MARCHF1: variants seen among roughly 807,000 people sequenced by gnomAD.
The protein encoded by MARCHF1 is E3 ubiquitin-protein ligase MARCHF1.
A neutral mutation model predicts 54.2 loss-of-function variants in MARCHF1; 40 were observed. The ratio of observed to expected loss-of-function variants is 0.74; its 90% CI spans 0.57 to 0.96. MARCHF1 has a LOEUF of 0.96. Among genes scored for constraint, MARCHF1 ranks in the 40% least tolerant of loss-of-function variants. The pLI is 0.00. For missense variants in MARCHF1, 586 were observed against 656.5 expected, an observed-to-expected ratio of 0.89 and a Z score of 1.17; for synonymous variants, 236 against 236.3, an observed-to-expected ratio of 1.00 and a Z score of 0.01.
intron 4 of MARCHF1, among the ~76,000 whole-genome samples, chr4:163,764,985 T>A (rs1746933103): frequency 6.6e-6 from 1 of 152,136 alleles, no homozygotes. Context: ...ATTTAGTACA[T>A]TTTAATGTTA....
At chr4:163,833,870 A>G (rs1749101746) in intron 4 of MARCHF1, among the ~76,000 whole-genome samples, 1 of 152,156 alleles carries the variant, frequency 6.6e-6, no homozygotes, top group South Asian at 2.1e-4. Flanking sequence ...AACATCAATC[A>G]AAGCTTTTCT....
At chr4:163,865,893 A>G (rs910101076) in intron 3 of MARCHF1, among the ~76,000 whole-genome samples, 5 of 151,742 alleles carry the variant, frequency 3.3e-5, no homozygotes, top group Non-Finnish European at 7.4e-5. Flanking sequence ...GATTAAAAAA[A>G]GTCATCTACA....
At chr4:164,007,597 G>A (rs1274819409) in intron 2 of MARCHF1, among the ~76,000 whole-genome samples, 2 of 151,610 alleles carry the variant, frequency 1.3e-5, no homozygotes, top group Non-Finnish European at 2.9e-5. Context: ...AAGTCAAAAT[G>A]TGGAGGATAT....
At position 163,607,917 on chromosome 4, in the gene MARCHF1, C is replaced by T. The variant is rs547203294; in HGVS notation, c.1010+4354G>A. 2.0e-5 allele frequency among the ~76,000 whole-genome samples: 3 copies of T among 152,210 alleles called. No individual in the cohort carries two copies. In the South Asian group the frequency reaches 6.2e-4, roughly 32 times the overall value. ...AAGCCCTCCAGTTGTCACTGATGCT[C>T]ACTAAAGTTTTAGAACTGCTGGTGT... On this transcript the variant is annotated intron_variant, in intron 7 of 9. Transcript: ENST00000514618.
chr4:163,861,692 C>T (rs1749938338), intron 3 of MARCHF1, among the ~76,000 whole-genome samples: 1 of 151,882 alleles, frequency 6.6e-6, no homozygotes, highest in African/African-American at 2.4e-5. Context: ...GAATAAAAAT[C>T]CTAGAAAAGT....
intron 4 of MARCHF1, among the ~76,000 whole-genome samples, chr4:163,706,517 ATACT>A (rs1744953657): frequency 6.6e-6 from 1 of 152,112 alleles, no homozygotes; most frequent in Non-Finnish European, 1.5e-5. Flanking sequence ...AAACCATAAA[ATACT>A]TAGGAATAAA....
intron 3 of MARCHF1, among the ~76,000 whole-genome samples, chr4:163,985,200 G>T (rs1752838348): frequency 2.3e-5 from 2 of 88,712 alleles, no homozygotes. Flanking sequence ...GAAGTGAAGT[G>T]GTTTGTAGTA....
intron 2 of MARCHF1, among the ~76,000 whole-genome samples, chr4:164,036,292 A>G (rs1302559029): frequency 1.3e-5 from 2 of 152,230 alleles, no homozygotes; most frequent in East Asian, 3.9e-4. Flanking sequence ...ACAATTTATC[A>G]GAAACCAATG....
chr4:164,281,618 A>G (rs1016194415), intron 1 of MARCHF1, among the ~76,000 whole-genome samples: 1 of 152,182 alleles, frequency 6.6e-6, no homozygotes, highest in Non-Finnish European at 1.5e-5. Flanking sequence ...TAGGGGAACT[A>G]AGAGTGGCTT....
At chr4:163,679,990 T>A (rs1312318903) in intron 5 of MARCHF1, among the ~76,000 whole-genome samples, 4 of 151,610 alleles carry the variant, frequency 2.6e-5, no homozygotes, top group African/African-American at 7.2e-5. Flanking sequence ...TTTTTTTTTT[T>A]TTTTTCTTTT....
intron 2 of MARCHF1, among the ~76,000 whole-genome samples, chr4:164,063,304 T>C (rs542844521): frequency 2.6e-5 from 4 of 152,342 alleles, no homozygotes; most frequent in Admixed American, 2.0e-4. Context: ...GGCATCTTCT[T>C]CCAATAGAAA....
intron 1 of MARCHF1, among the ~76,000 whole-genome samples, chr4:164,321,188 T>C (rs909146931): frequency 2.0e-5 from 3 of 152,208 alleles, no homozygotes; most frequent in African/African-American, 4.8e-5. Context: ...AGAAAACCTC[T>C]GTAGAAGACA....
intron 2 of MARCHF1, among the ~76,000 whole-genome samples, chr4:164,016,012 T>C (rs573294957): frequency 6.6e-6 from 1 of 152,086 alleles, no homozygotes; most frequent in African/African-American, 2.4e-5. Context: ...TGCACTCCCA[T>C]GTATTACAGG....
intron 8 of MARCHF1, among the ~76,000 whole-genome samples, chr4:163,561,528 A>G (rs1323124169): frequency 5.9e-5 from 9 of 152,322 alleles, no homozygotes; most frequent in Admixed American, 5.9e-4. Flanking sequence ...ACACAAATAT[A>G]TAGCCAAATT....
intron 3 of MARCHF1, among the ~76,000 whole-genome samples, chr4:163,932,104 C>T (rs1751689982): frequency 7.8e-6 from 1 of 127,424 alleles, no homozygotes. Flanking sequence ...TTAAAAAAAA[C>T]CTTATTGCTA....
rs184284376 is a variant in MARCHF1, at chr4:164,284,424, C to T, written c.-323+99446G>A. 5.0e-3 allele frequency among the ~76,000 whole-genome samples: 749 copies of T among 150,592 alleles called. 33 individuals are homozygous for T. The highest frequency in any genetic ancestry group is 0.017 in the African/African-American group (705 of 41,024). On this transcript the variant is annotated intron_variant, in intron 1 of 9. Coordinates refer to ENST00000514618, the MANE Select transcript of MARCHF1 (RefSeq NM_001394959.1). ...GAAAAATTGTACAGGAAATAGGACGCCCTATAGTGTTTTGGTGCACATATG... is the reference window on the plus strand; with the variant it reads ...GAAAAATTGTACAGGAAATAGGACGTCCTATAGTGTTTTGGTGCACATATG...
At chr4:164,000,089 A>G (rs188249738) in intron 2 of MARCHF1, among the ~76,000 whole-genome samples, 3 of 151,866 alleles carry the variant, frequency 2.0e-5, no homozygotes, top group Admixed American at 2.0e-4. Context: ...ATGTGGTATT[A>G]TTAGAATGTC....
chr4:164,035,633 CAAA>C (rs34846855), intron 2 of MARCHF1, among the ~76,000 whole-genome samples: 16,420 of 144,282 alleles, frequency 0.11, 1,049 homozygotes, highest in Middle Eastern at 0.23. Context: ...ATAAAGAATA[CAAA>C]AAAAAAAAAA....
intron 1 of MARCHF1, among the ~76,000 whole-genome samples, chr4:164,241,065 T>C (rs1226697870): frequency 3.3e-5 from 5 of 150,664 alleles, no homozygotes; most frequent in Admixed American, 2.0e-4. Flanking sequence ...CTTTCAGAGA[T>C]TTTTTTTAGA....
Sources: gnomAD v4.1 joint callset for allele counts (sites outside exome capture counted in the v4.1 genomes callset) on GRCh38, gnomAD v4.1.1 for gene constraint, MANE v1.5 for transcripts, NCBI Gene and HGNC (gene_info 2026-07-23, HGNC 2026-07-21) for gene names.